Variants in FAM193A observed in about 807,000 individuals in gnomAD.
The protein encoded by FAM193A is protein FAM193A.
FAM193A carries 22 observed loss-of-function variants against 126.5 expected under a neutral mutation model. The ratio of observed to expected loss-of-function variants is 0.17; its 90% CI spans 0.12 to 0.25. FAM193A has a LOEUF of 0.25. Among genes scored for constraint, FAM193A ranks in the 10% least tolerant of loss-of-function variants. The pLI is 1.00. For missense variants in FAM193A, 1,675 were observed against 1,672.8 expected, an observed-to-expected ratio of 1.00 and a Z score of -0.02; for synonymous variants, 761 against 646.8, an observed-to-expected ratio of 1.18 and a Z score of -2.68.
chr4:2,683,554 T>C (rs1241383552), intron 13 of FAM193A, among the ~76,000 whole-genome samples: 1 of 152,194 alleles, frequency 6.6e-6, no homozygotes. Context: ...TGGCCTCCCA[T>C]AGTGCTGAGA....
intron 10 of FAM193A, among the ~76,000 whole-genome samples, chr4:2,662,521 C>T (rs567525123): frequency 6.4e-4 from 98 of 152,250 alleles, no homozygotes; most frequent in African/African-American, 2.2e-3. Context: ...AGTTTTATAC[C>T]AGCGCTCTTC....
At chr4:2,714,612 TAGAG>T (rs1318493808) in intron 19 of FAM193A, among the ~76,000 whole-genome samples, 3 of 152,098 alleles carry the variant, frequency 2.0e-5, no homozygotes, top group Admixed American at 1.3e-4. Context: ...AGCAGGTCCC[TAGAG>T]AGAGACTCCT....
intron 2 of FAM193A, among the ~76,000 whole-genome samples, chr4:2,615,594 C>T (rs1440757910): frequency 1.3e-5 from 2 of 152,210 alleles, no homozygotes; most frequent in African/African-American, 4.8e-5. Context: ...TCTCGGCTCA[C>T]TGCAACCTCT....
chr4:2,584,815 C>T (rs1002057172), intron 1 of FAM193A, among the ~76,000 whole-genome samples: 6 of 152,198 alleles, frequency 3.9e-5, no homozygotes, highest in Middle Eastern at 3.4e-3. Flanking sequence ...GTCCCAGCTA[C>T]TCAGGAGGCT....
intron 2 of FAM193A, among the ~76,000 whole-genome samples, chr4:2,610,255 C>T (rs960727232): frequency 6.6e-6 from 1 of 151,908 alleles, no homozygotes; most frequent in Non-Finnish European, 1.5e-5. Context: ...ACAAAAAAAA[C>T]TCGCTAGTAT....
chr4:2,539,378 T>C (rs919658230), intron 1 of FAM193A, among the ~76,000 whole-genome samples: 4 of 152,134 alleles, frequency 2.6e-5, no homozygotes, highest in African/African-American at 9.7e-5. Flanking sequence ...TGAGTATTAT[T>C]TTTGACAGGA....
At chr4:2,634,705 A>C (rs910250082) in intron 5 of FAM193A, among the ~76,000 whole-genome samples, 1 of 152,252 alleles carries the variant, frequency 6.6e-6, no homozygotes, top group African/African-American at 2.4e-5. Context: ...ACTAGTGTTC[A>C]GCAAGGAAAC....
intron 1 of FAM193A, among the ~76,000 whole-genome samples, chr4:2,561,472 C>T (rs926713764): frequency 6.8e-6 from 1 of 147,508 alleles, no homozygotes; most frequent in African/African-American, 2.5e-5. Flanking sequence ...CATGAGCCAC[C>T]ATGCCTGGCT....
At chr4:2,538,007 TG>T (rs1472197121) in intron 1 of FAM193A, among the ~76,000 whole-genome samples, 4 of 152,190 alleles carry the variant, frequency 2.6e-5, no homozygotes, top group Admixed American at 2.6e-4. Flanking sequence ...TATTTATAAG[TG>T]GGTATGCAAT....
At chr4:2,556,015 G>A (rs1738236334) in intron 1 of FAM193A, among the ~76,000 whole-genome samples, 1 of 151,456 alleles carries the variant, frequency 6.6e-6, no homozygotes, top group Admixed American at 6.6e-5. Context: ...CCCTGTCTCA[G>A]CCTCCCGAGT....
intron 13 of FAM193A, among the ~76,000 whole-genome samples, chr4:2,685,471 C>T (rs765486013): frequency 3.3e-5 from 5 of 152,142 alleles, no homozygotes; most frequent in Non-Finnish European, 5.9e-5. Flanking sequence ...TTGTGATCTT[C>T]GACCTGCATG....
chr4:2,728,589 T>C lies in FAM193A; in HGVS notation c.4455-3186T>C, dbSNP rs1577290156. ...GCTGTTCTTGAGAGGGGCCTGGGGC[T>C]GAAATTTTGTTCCCTCTTCAGAGAC... On this transcript the variant is annotated intron_variant, in intron 20 of 20. Coordinates refer to ENST00000637812, the MANE Select transcript of FAM193A (RefSeq NM_001366318.2). Among the ~76,000 whole-genome samples the C allele has an allele frequency of 3.9e-5, 6 of 152,280 alleles. No individual in the cohort carries two copies. In the South Asian group the frequency reaches 1.0e-3, roughly 26 times the overall value.
At chr4:2,651,675 C>T (rs554897705) in intron 7 of FAM193A, among the ~76,000 whole-genome samples, 2 of 152,268 alleles carry the variant, frequency 1.3e-5, no homozygotes, top group East Asian at 3.9e-4. Flanking sequence ...CAAAGGTGAA[C>T]CATATCAATG....
At chr4:2,607,500 A>G (rs965336623) in intron 2 of FAM193A, among the ~76,000 whole-genome samples, 6 of 152,228 alleles carry the variant, frequency 3.9e-5, no homozygotes, top group Non-Finnish European at 5.9e-5. Flanking sequence ...GCTAGCCATT[A>G]GTAGTTAACC....
At chr4:2,599,726 TTC>T (rs1481432964) in intron 2 of FAM193A, among the ~76,000 whole-genome samples, 3 of 150,098 alleles carry the variant, frequency 2.0e-5, no homozygotes, top group Non-Finnish European at 3.0e-5. Flanking sequence ...CTTGCTTGTC[TTC>T]TCTTGCCATA....
At chr4:2,647,992 C>G (rs1222021530) in intron 7 of FAM193A, among the ~76,000 whole-genome samples, 1 of 152,176 alleles carries the variant, frequency 6.6e-6, no homozygotes, top group Non-Finnish European at 1.5e-5. Flanking sequence ...CATGTGCTTG[C>G]TCCCTCCGAG....
chr4:2,622,885 G>C (rs984671219), intron 2 of FAM193A, among the ~76,000 whole-genome samples: 3 of 152,082 alleles, frequency 2.0e-5, no homozygotes, highest in Non-Finnish European at 4.4e-5. Context: ...ACTTATGAAC[G>C]GGGGCGGGCG....
At chr4:2,634,838 C>T (rs1560503745) in intron 5 of FAM193A, among the ~76,000 whole-genome samples, 1 of 152,176 alleles carries the variant, frequency 6.6e-6, no homozygotes, top group Non-Finnish European at 1.5e-5. Context: ...TGAAAATGGT[C>T]TGTGAGATGT....
intron 6 of FAM193A, among the ~76,000 whole-genome samples, chr4:2,640,084 A>T (rs929217184): frequency 2.0e-5 from 3 of 152,246 alleles, no homozygotes; most frequent in Non-Finnish European, 4.4e-5. Context: ...ATTTAACACC[A>T]CAAATTCCTC....
Sources: gnomAD v4.1 joint callset for allele counts (sites outside exome capture counted in the v4.1 genomes callset) on GRCh38, gnomAD v4.1.1 for gene constraint, MANE v1.5 for transcripts, NCBI Gene and HGNC (gene_info 2026-07-23, HGNC 2026-07-21) for gene names.